The following SLC19A3 variants were observed in gnomAD, a reference collection of about 807,000 sequenced individuals.
SLC19A3 encodes the protein solute carrier family 19 member 3.
SLC19A3 carries 31 observed loss-of-function variants against 40.2 expected under a neutral mutation model. That is an observed-to-expected ratio of 0.77 (90% CI 0.58 to 1.04). The LOEUF (loss-of-function observed/expected upper bound fraction) is 1.04, where lower values mean the gene tolerates loss of function less well. Ranked by LOEUF, SLC19A3 falls within the 50% of genes least tolerant of loss-of-function variation. The pLI is 0.00. For missense variants in SLC19A3, 592 were observed against 596.7 expected (o/e 0.99, Z 0.08); for synonymous variants, 212 against 227.5 (o/e 0.93, Z 0.61).
chr2:227,700,256 A>G (rs1695631462), intron 2 of SLC19A3, among the ~76,000 whole-genome samples: 1 of 151,888 alleles, frequency 6.6e-6, no homozygotes. Context: ...AAAAGAATCC[A>G]GGCCAGGCAT....
At chr2:227,717,836 A>G (rs1696383358) in intron 1 of SLC19A3, 107 bp downstream of exon 1, 1 of 879,558 alleles carries the variant, frequency 1.1e-6, no homozygotes, top group African/African-American at 1.8e-5. Context: ...CCGCAGAGCC[A>G]GGAACCCGCC....
At chr2:227,714,966 C>T (rs1696282976) in intron 1 of SLC19A3, among the ~76,000 whole-genome samples, 1 of 149,082 alleles carries the variant, frequency 6.7e-6, no homozygotes, top group African/African-American at 2.4e-5. Flanking sequence ...ACCACAGGCA[C>T]CCGCCACCAG....
At chr2:227,706,467 C>T (rs773469946) in intron 1 of SLC19A3, 256 of 1,221,276 alleles carry the variant, frequency 2.1e-4, no homozygotes, top group Middle Eastern at 3.2e-4. Context: ...ACTGTGTAAA[C>T]GGTAGATTAA....
At chr2:227,710,624 A>G (rs931673709) in intron 1 of SLC19A3, among the ~76,000 whole-genome samples, 4 of 152,174 alleles carry the variant, frequency 2.6e-5, no homozygotes, top group African/African-American at 9.6e-5. Flanking sequence ...AACGAATCTT[A>G]CAGAGCATGA....
intron 1 of SLC19A3, among the ~76,000 whole-genome samples, chr2:227,712,594 C>T (rs535673067): frequency 1.9e-4 from 29 of 152,232 alleles, no homozygotes; most frequent in African/African-American, 6.7e-4. Context: ...TAAAATGGCA[C>T]CAACCCTTTG....
rs1695767031 is a variant in SLC19A3, at chr2:227,703,064, TC to T, written c.-2-745del. 6.6e-6 allele frequency: 1 copy of T among 152,268 alleles called. No homozygotes were observed. The highest frequency in any genetic ancestry group is 1.5e-5 in the Non-Finnish European group (1 of 68,104). The allele number at this position is 152,268 out of a possible 1,614,324, so 9.4% of individuals were successfully genotyped here. A position where few individuals can be genotyped will look rare whatever the true frequency, so the allele number is the denominator to read the frequency against. ...CATGATCAAGATCTGAATCCAGGTC[TC>T]CCTACTCCCATCAGGAATCTTTCAC... On this transcript the variant is annotated intron_variant, in intron 1 of 5. Transcript: ENST00000644224. This position sits in a 1 kb window ranked among gnomAD's most constrained non-coding sequence, Gnocchi z 4.7.
intron 1 of SLC19A3, chr2:227,706,352 C>T: frequency 1.1e-5 from 14 of 1,231,634 alleles, no homozygotes; most frequent in South Asian, 8.2e-5. Flanking sequence ...CCTTCATTTT[C>T]TGTGTGTTCC....
At position 227,698,924 on chromosome 2, in the gene SLC19A3, T is replaced by C. The variant is rs1272962302; in HGVS notation, c.791A>G (p.Gln264Arg). The part of the protein sequence containing the change: ...PSNVTVDVFV[Q>R]WFQDLKECYS... ...GCACTCCTTCAAATCTTGGAACCACTGCACAAAAACGTCCACAGTCACATT... is the reference window on the plus strand; with the variant it reads ...GCACTCCTTCAAATCTTGGAACCACCGCACAAAAACGTCCACAGTCACATT... Residue 264 changes from glutamine (Q) to arginine (R), a missense_variant, in exon 3 of 6, where the codon CAG becomes CGG. By Grantham distance (43) the Gln-to-Arg change is conservative (BLOSUM62 1). Coordinates refer to ENST00000644224, the MANE Select transcript of SLC19A3 (RefSeq NM_025243.4). 2 of 1,613,974 alleles carry C rather than the reference T, an allele frequency of 1.2e-6. No homozygotes were observed. Among genetic ancestry groups the C allele is most frequent in the Non-Finnish European group, 1.7e-6 (2 of 1,179,986 alleles).
At chr2:227,706,447 G>T in intron 1 of SLC19A3, 1 of 1,229,558 alleles carries the variant, frequency 8.1e-7, no homozygotes, top group Non-Finnish European at 1.0e-6. Flanking sequence ...TTTTAAAAAG[G>T]TACAAGAACA....
chr2:227,684,216 C>T lies in SLC19A3; in HGVS notation c.*3181G>A, dbSNP rs960113927. 6.6e-6 allele frequency: 1 copy of T among 152,168 alleles called. No individual in the cohort carries two copies. The highest frequency in any genetic ancestry group is 2.4e-5 in the African/African-American group (1 of 41,450). 9.4% of individuals were successfully genotyped at this position (152,168 alleles called of 1,614,324 possible). ...ATTATTTTGGTGCTTGACTTTTTTC[C>T]ACTTGATAGTAGAGCTCTTAGAGTT... On this transcript the variant is annotated 3_prime_UTR_variant, in exon 6 of 6. Transcript: ENST00000644224.
intron 4 of SLC19A3, among the ~76,000 whole-genome samples, chr2:227,692,113 A>T (rs1695254932): frequency 6.6e-6 from 1 of 152,184 alleles, no homozygotes; most frequent in African/African-American, 2.4e-5. Context: ...CCCAGGACCC[A>T]ATGGCTTCAC....
At chr2:227,713,438 T>C (rs1417537558) in intron 1 of SLC19A3, among the ~76,000 whole-genome samples, 3 of 150,710 alleles carry the variant, frequency 2.0e-5, no homozygotes, top group African/African-American at 7.3e-5. Context: ...GGGTGGGGCT[T>C]TTCAAGAGTG....
At chr2:227,697,553 A>G (rs1695484923) in intron 3 of SLC19A3, among the ~76,000 whole-genome samples, 1 of 152,210 alleles carries the variant, frequency 6.6e-6, no homozygotes. Flanking sequence ...TTATAGGTGC[A>G]TGCTAGCTAG....
chr2:227,699,104 C>T lies in SLC19A3; in HGVS notation c.611G>A (p.Ser204Asn), dbSNP rs773705000. 70 of 1,614,036 alleles carry T rather than the reference C, an allele frequency of 4.3e-5. No homozygotes were observed. Among genetic ancestry groups the T allele is most frequent in the Admixed American group, 1.7e-4 (10 of 59,988 alleles). Residue 204 changes from serine (S) to asparagine (N), a missense_variant, in exon 3 of 6, where the codon AGC becomes AAC. Ser to Asn is a conservative substitution (Grantham distance 46). Coordinates refer to ENST00000644224, the MANE Select transcript of SLC19A3 (RefSeq NM_025243.4). The stretch of plus-strand genomic sequence containing the variant: ...GCTTGATGACTTCTTTATTTCTCTG[C>T]TGGGTTTTGCATGAAAAAACATGCT... ...KKSMFFHAKP[S>N]REIKKSSSVN...
chr2:227,706,074 G>A (rs1695928089), intron 1 of SLC19A3, among the ~76,000 whole-genome samples: 1 of 151,756 alleles, frequency 6.6e-6, no homozygotes, highest in Admixed American at 6.6e-5. Context: ...AAGAAAAAAT[G>A]CACTAAATAT....
chr2:227,702,449 A>G (rs942865450), intron 1 of SLC19A3, 129 bp from the exon 2 acceptor site: 9 of 917,844 alleles, frequency 9.8e-6, no homozygotes, highest in Non-Finnish European at 1.5e-5. Context: ...GCTGAAGTGC[A>G]GTGGCATGAT....
chr2:227,704,433 A>G (rs1352723343), intron 1 of SLC19A3, among the ~76,000 whole-genome samples: 1 of 152,240 alleles, frequency 6.6e-6, no homozygotes, highest in Non-Finnish European at 1.5e-5. Context: ...AAAATGATTT[A>G]ATTTTTCTTG....
chr2:227,712,356 T>C (rs1425346658), intron 1 of SLC19A3, among the ~76,000 whole-genome samples: 1 of 142,858 alleles, frequency 7.0e-6, no homozygotes, highest in Non-Finnish European at 1.5e-5. Flanking sequence ...GTCTCCAAAA[T>C]AAAGAACCCC....
At chr2:227,693,083 G>T (rs1021812207) in intron 4 of SLC19A3, among the ~76,000 whole-genome samples, 7 of 152,038 alleles carry the variant, frequency 4.6e-5, no homozygotes, top group Non-Finnish European at 8.8e-5. Flanking sequence ...CCATATTCAT[G>T]GACTGGAGGA....
Sources: allele counts gnomAD v4.1 joint callset (sites outside exome capture counted in the v4.1 genomes callset), GRCh38; gene constraint gnomAD v4.1.1; non-coding constraint Gnocchi (gnomAD v3.1); transcripts MANE v1.5; gene names NCBI Gene and HGNC (gene_info 2026-07-23, HGNC 2026-07-21).